Variants in KDM4C observed in about 807,000 individuals in gnomAD.
The protein encoded by KDM4C is lysine demethylase 4C, also known as lysine-specific demethylase 4C.
In KDM4C, 81 loss-of-function variants were observed where a neutral mutation model predicts 129.3. That is an observed-to-expected ratio of 0.63 (90% CI 0.52 to 0.75). The LOEUF is 0.75. Ranked by LOEUF, KDM4C falls within the 30% of genes least tolerant of loss-of-function variation. KDM4C has a pLI of 0.00. For missense variants in KDM4C, 1,457 were observed against 1,304.0 expected (o/e 1.12, Z -1.81); for synonymous variants, 573 against 456.1 (o/e 1.26, Z -3.26).
chr9:6,795,872 A>G (rs1006789824), intron 2 of KDM4C, among the ~76,000 whole-genome samples: 5 of 151,802 alleles, frequency 3.3e-5, no homozygotes, highest in Admixed American at 6.6e-5. Flanking sequence ...AGGTTTCACC[A>G]TGTTGCCTAG....
At chr9:7,097,293 G>A (rs1158435506) in intron 17 of KDM4C, among the ~76,000 whole-genome samples, 3 of 152,196 alleles carry the variant, frequency 2.0e-5, no homozygotes, top group South Asian at 2.1e-4. Context: ...TGGTGCTGAC[G>A]CACTGCACAT....
chr9:6,725,357 C>T (rs912605397), intron 1 of KDM4C, among the ~76,000 whole-genome samples: 4 of 151,732 alleles, frequency 2.6e-5, no homozygotes, highest in South Asian at 2.1e-4. Flanking sequence ...TGTTTCCACT[C>T]GAGTATCAGA....
chr9:6,722,508 T>C (rs1350668169), intron 1 of KDM4C, among the ~76,000 whole-genome samples: 1 of 144,042 alleles, frequency 6.9e-6, no homozygotes, highest in Non-Finnish European at 1.6e-5. Flanking sequence ...CAAAACCCTA[T>C]GTCTATATAT....
chr9:7,149,364 C>T (rs1017138094), intron 19 of KDM4C, among the ~76,000 whole-genome samples: 11 of 152,234 alleles, frequency 7.2e-5, no homozygotes, highest in South Asian at 4.1e-4. Flanking sequence ...CAGGCACTTC[C>T]GAGCCTGCCG....
chr9:7,029,295 T>G (rs1427706471), intron 15 of KDM4C, among the ~76,000 whole-genome samples: 4 of 19,576 alleles, frequency 2.0e-4, no homozygotes, highest in Admixed American at 1.2e-3. Flanking sequence ...CCCCCACCGT[T>G]TTTTTTTTTT....
At chr9:6,939,874 T>C (rs62533834) in intron 8 of KDM4C, among the ~76,000 whole-genome samples, 38,888 of 152,104 alleles carry the variant, frequency 0.26, 5,425 homozygotes, top group South Asian at 0.4. Flanking sequence ...ACTGAAAGTC[T>C]AAGTAAAAAA....
intron 8 of KDM4C, among the ~76,000 whole-genome samples, chr9:6,931,858 A>C (rs1319646688): frequency 6.6e-6 from 1 of 152,246 alleles, no homozygotes; most frequent in African/African-American, 2.4e-5. Context: ...CTGTGGAGCT[A>C]TATATAAAAA....
At chr9:6,820,875 C>T (rs1202849197) in intron 4 of KDM4C, among the ~76,000 whole-genome samples, 13 of 151,592 alleles carry the variant, frequency 8.6e-5, no homozygotes, top group Non-Finnish European at 1.6e-4. Context: ...CCCCCAGCCC[C>T]CCAACCCCCG....
intron 15 of KDM4C, among the ~76,000 whole-genome samples, chr9:7,041,553 G>C (rs201101503): frequency 7.1e-6 from 1 of 140,956 alleles, no homozygotes; most frequent in African/African-American, 2.6e-5. Context: ...ATTTTTTTTT[G>C]CTTTTTATTA....
chr9:6,785,435 C>A (rs1051049962), intron 1 of KDM4C, among the ~76,000 whole-genome samples: 1 of 151,874 alleles, frequency 6.6e-6, no homozygotes, highest in African/African-American at 2.4e-5. Context: ...CTCCCGGGTT[C>A]AAGCGATTCT....
At chr9:6,817,894 G>C (rs1347971898) in intron 4 of KDM4C, among the ~76,000 whole-genome samples, 1 of 151,468 alleles carries the variant, frequency 6.6e-6, no homozygotes, top group African/African-American at 2.4e-5. Flanking sequence ...AGCCTCCCAA[G>C]TAGCTGGGAT....
chr9:7,042,158 G>A (rs1828709660), intron 15 of KDM4C, among the ~76,000 whole-genome samples: 6 of 152,066 alleles, frequency 3.9e-5, no homozygotes, highest in Admixed American at 3.3e-4. Context: ...ATTTAGGGAA[G>A]TACTAATTTT....
intron 8 of KDM4C, among the ~76,000 whole-genome samples, chr9:6,898,111 T>G (rs972511691): frequency 1.3e-5 from 2 of 152,190 alleles, no homozygotes; most frequent in Non-Finnish European, 2.9e-5. Flanking sequence ...TTAGGTTTGA[T>G]GGATTTGTTT....
chr9:7,102,618 A>G (rs1837231881), intron 17 of KDM4C, among the ~76,000 whole-genome samples: 1 of 152,168 alleles, frequency 6.6e-6, no homozygotes, highest in South Asian at 2.1e-4. Context: ...AGATGTGAGG[A>G]CACGAAGAGT....
intron 4 of KDM4C, among the ~76,000 whole-genome samples, chr9:6,837,374 C>T (rs1189612936): frequency 6.6e-6 from 1 of 152,172 alleles, no homozygotes; most frequent in Non-Finnish European, 1.5e-5. Flanking sequence ...ATTATTAAGA[C>T]AGCTTTATTG....
intron 4 of KDM4C, among the ~76,000 whole-genome samples, chr9:6,831,969 C>G (rs541529944): frequency 6.6e-6 from 1 of 152,194 alleles, no homozygotes; most frequent in East Asian, 1.9e-4. Flanking sequence ...CTTAGGCAGT[C>G]TCTGCCATAA....
intron 1 of KDM4C, among the ~76,000 whole-genome samples, chr9:6,791,588 C>G (rs1330098978): frequency 2.6e-5 from 4 of 152,216 alleles, no homozygotes; most frequent in African/African-American, 4.8e-5. Context: ...AATCTGTAAG[C>G]ACACCTGAGT....
At chr9:6,833,462 G>A (rs903876247) in intron 4 of KDM4C, among the ~76,000 whole-genome samples, 7 of 152,064 alleles carry the variant, frequency 4.6e-5, no homozygotes, top group African/African-American at 9.7e-5. Context: ...CTGGTTTATC[G>A]TTTGGCCACG....
intron 4 of KDM4C, among the ~76,000 whole-genome samples, chr9:6,844,108 A>G (rs1033240109): frequency 6.6e-6 from 1 of 152,164 alleles, no homozygotes; most frequent in African/African-American, 2.4e-5. Context: ...AAGTGCTGGT[A>G]TTACAGGCAT....
Sources: gnomAD v4.1 joint callset for allele counts (sites outside exome capture counted in the v4.1 genomes callset) on GRCh38, gnomAD v4.1.1 for gene constraint, MANE v1.5 for transcripts, NCBI Gene and HGNC (gene_info 2026-07-23, HGNC 2026-07-21) for gene names.